The following TOX variants were observed in gnomAD, a reference collection of about 807,000 sequenced individuals.
The protein encoded by TOX is thymocyte selection associated high mobility group box.
In TOX, 11 loss-of-function variants were observed where a neutral mutation model predicts 53.7. That is an observed-to-expected ratio of 0.20 (90% CI 0.13 to 0.34). The LOEUF (loss-of-function observed/expected upper bound fraction) is 0.34, where lower values mean the gene tolerates loss of function less well. Among genes scored for constraint, TOX ranks in the 10% least tolerant of loss-of-function variants. The pLI is 1.00. For synonymous variants in TOX, 225 were observed against 245.3 expected (o/e 0.92, Z 0.77); for missense variants, 570 against 664.6 (o/e 0.86, Z 1.56).
intron 3 of TOX, among the ~76,000 whole-genome samples, chr8:58,899,939 G>C (rs898666571): frequency 1.3e-5 from 2 of 151,884 alleles, no homozygotes; most frequent in African/African-American, 4.8e-5. Flanking sequence ...TGCCTATTTT[G>C]ATCTGTTTCA....
In TOX at chr8:58,834,314, C is replaced by T. The variant is rs1354493314; in HGVS notation, c.924+3767G>A. The stretch of plus-strand genomic sequence containing the variant: ...GGCACATGAAATCTTAGCCTTCCAC[C>T]GGAACCAGCTGCCTACACAATGCCA... On this transcript the variant is annotated intron_variant, in intron 5 of 8. Transcript: ENST00000361421. Among the ~76,000 whole-genome samples, 5 of 152,130 alleles carry T rather than the reference C, an allele frequency of 3.3e-5. No individual in the cohort carries two copies. The East Asian group carries it at 5.8e-4, about 18-fold the overall frequency.
intron 3 of TOX, among the ~76,000 whole-genome samples, chr8:58,923,468 A>G (rs575267651): frequency 6.6e-6 from 1 of 152,310 alleles, no homozygotes; most frequent in South Asian, 2.1e-4. Flanking sequence ...TTCCTTTCAC[A>G]TAATACTCAC....
intron 1 of TOX, among the ~76,000 whole-genome samples, chr8:59,078,041 T>G (rs934341225): frequency 6.6e-6 from 1 of 152,152 alleles, no homozygotes; most frequent in Non-Finnish European, 1.5e-5. Flanking sequence ...GGAAAAATAT[T>G]ATCCATACAA....
At chr8:58,845,634 A>T (rs1810708094) in intron 4 of TOX, among the ~76,000 whole-genome samples, 2 of 152,120 alleles carry the variant, frequency 1.3e-5, no homozygotes, top group Non-Finnish European at 2.9e-5. Flanking sequence ...TTTTGAAATG[A>T]TTCACAAGTG....
At chr8:58,879,083 TCAA>T (rs992760806) in intron 3 of TOX, among the ~76,000 whole-genome samples, 1 of 143,476 alleles carries the variant, frequency 7.0e-6, no homozygotes, top group Non-Finnish European at 1.5e-5. Flanking sequence ...ACAAAAAAAC[TCAA>T]CAACAACAAC....
chr8:58,826,795 T>C, intron 6 of TOX, 27 bp downstream of exon 6: 1 of 1,583,564 alleles, frequency 6.3e-7, no homozygotes, highest in Non-Finnish European at 8.6e-7. Context: ...CCACAATCCT[T>C]CACAATATCA....
intron 1 of TOX, among the ~76,000 whole-genome samples, chr8:59,061,266 C>T (rs1193110688): frequency 6.6e-6 from 1 of 152,138 alleles, no homozygotes; most frequent in Non-Finnish European, 1.5e-5. Flanking sequence ...AATGGCAATG[C>T]TTCAGCTTCT....
intron 1 of TOX, among the ~76,000 whole-genome samples, chr8:59,045,350 T>C (rs1464475957): frequency 3.3e-5 from 5 of 152,200 alleles, no homozygotes; most frequent in South Asian, 2.1e-4. Flanking sequence ...TATGTGATGG[T>C]GGTAATAAAA....
intron 1 of TOX, among the ~76,000 whole-genome samples, chr8:58,962,701 G>C (rs1364027796): frequency 6.6e-6 from 1 of 152,204 alleles, no homozygotes. Context: ...AGCTACTTGG[G>C]AGGCTAAGGT....
At chr8:58,903,599 T>C (rs1242949885) in intron 3 of TOX, among the ~76,000 whole-genome samples, 2 of 152,228 alleles carry the variant, frequency 1.3e-5, no homozygotes, top group Non-Finnish European at 2.9e-5. Context: ...TCATCTTTGC[T>C]TTCCAAGTTT....
Position 58,805,981 on chromosome 8 carries a change from A to G in TOX, c.*1766T>C, listed in dbSNP as rs1459782866. 6.5e-6 allele frequency: 1 copy of G among 152,672 alleles called. No individual in the cohort carries two copies. Among genetic ancestry groups the G allele is most frequent in the Non-Finnish European group, 1.5e-5 (1 of 68,040 alleles). 9.5% of individuals were successfully genotyped at this position (152,672 alleles called of 1,614,324 possible). A position where few individuals can be genotyped will look rare whatever the true frequency, so the allele number is the denominator to read the frequency against. On this transcript the variant is annotated 3_prime_UTR_variant, in exon 9 of 9. Transcript: ENST00000361421. ...AGTTAAACTGCTAAATTTATTTCAC[A>G]TATTCCAAGAAAGAGACATCAGCCA...
At chr8:58,848,528 T>C (rs994749798) in intron 4 of TOX, among the ~76,000 whole-genome samples, 2 of 152,104 alleles carry the variant, frequency 1.3e-5, no homozygotes, top group Non-Finnish European at 2.9e-5. Context: ...GAAAAATATA[T>C]AATGTGATTC....
At chr8:59,005,644 AGTT>A in intron 1 of TOX, among the ~76,000 whole-genome samples, 1 of 152,302 alleles carries the variant, frequency 6.6e-6, no homozygotes, top group Non-Finnish European at 1.5e-5. Context: ...AATCACCAAA[AGTT>A]TAACTTTATT....
chr8:58,973,263 A>T (rs1395076863), intron 1 of TOX, among the ~76,000 whole-genome samples: 2 of 152,186 alleles, frequency 1.3e-5, no homozygotes, highest in African/African-American at 4.8e-5. Context: ...GGATCCCATT[A>T]TATTCTATTT....
chr8:58,980,143 A>G (rs1267379918), intron 1 of TOX, among the ~76,000 whole-genome samples: 1 of 152,214 alleles, frequency 6.6e-6, no homozygotes, highest in East Asian at 1.9e-4. Flanking sequence ...TTTTAAAAAG[A>G]TGGGCCAGCC....
At chr8:58,837,460 T>C (rs1810565856) in intron 5 of TOX, among the ~76,000 whole-genome samples, 1 of 152,198 alleles carries the variant, frequency 6.6e-6, no homozygotes, top group Admixed American at 6.5e-5. Flanking sequence ...CCTTCTGAGC[T>C]ATTTATGCTG....
intron 1 of TOX, 45 bp from the exon 2 acceptor site, chr8:58,960,053 G>T: frequency 2.5e-6 from 4 of 1,600,780 alleles, no homozygotes; most frequent in Non-Finnish European, 3.4e-6. Flanking sequence ...TTGACTGCGG[G>T]TATGTTTGGT....
At chr8:58,931,076 T>C (rs931741577) in intron 3 of TOX, among the ~76,000 whole-genome samples, 3 of 152,110 alleles carry the variant, frequency 2.0e-5, no homozygotes, top group Non-Finnish European at 4.4e-5. Context: ...CTTTAGGACA[T>C]GAAATGACCT....
chr8:59,038,828 G>A (rs1351773087), intron 1 of TOX, among the ~76,000 whole-genome samples: 2 of 152,200 alleles, frequency 1.3e-5, no homozygotes, highest in East Asian at 1.9e-4. Flanking sequence ...GGTTAGCTCC[G>A]TTTTGAAGTC....
Sources: gnomAD v4.1 joint callset for allele counts (sites outside exome capture counted in the v4.1 genomes callset) on GRCh38, gnomAD v4.1.1 for gene constraint, MANE v1.5 for transcripts, NCBI Gene and HGNC (gene_info 2026-07-23, HGNC 2026-07-21) for gene names.